IVD: variants seen among roughly 807,000 people sequenced by gnomAD.
IVD encodes the protein isovaleryl-CoA dehydrogenase.
IVD carries 31 observed loss-of-function variants against 51.3 expected under a neutral mutation model. The observed-to-expected ratio is 0.60, with a 90% CI of 0.45 to 0.81. IVD has a LOEUF of 0.81. Ranked by LOEUF, IVD falls within the 40% of genes least tolerant of loss-of-function variation. The pLI, the probability that IVD is intolerant of heterozygous loss-of-function variation, is 0.00. For missense variants in IVD, 475 were observed against 552.0 expected (o/e 0.86, Z 1.40); for synonymous variants, 205 against 219.4 (o/e 0.93, Z 0.58).
chr15:40,430,449 C>G (rs1471534298), intron 7 of IVD, among the ~76,000 whole-genome samples: 1 of 152,180 alleles, frequency 6.6e-6, no homozygotes, highest in Non-Finnish European at 1.5e-5. Context: ...ATAGTCAGTT[C>G]CAGATTTGGA....
intron 8 of IVD, chr15:40,434,044 C>A: frequency 2.6e-6 from 1 of 382,410 alleles, no homozygotes; most frequent in African/African-American, 2.1e-5. Context: ...GCAAGGATCA[C>A]ACACCTGAAA....
chr15:40,416,567 C>T (rs1441281136), intron 11 of IVD, among the ~76,000 whole-genome samples: 2 of 151,920 alleles, frequency 1.3e-5, no homozygotes, highest in Admixed American at 1.3e-4. Context: ...CATGATGGTG[C>T]ATGCCTGTAA....
intron 2 of IVD, 40 bp downstream of exon 2, chr15:40,407,765 G>A: frequency 6.4e-7 from 1 of 1,560,850 alleles, no homozygotes; most frequent in South Asian, 1.1e-5. Context: ...CAGTCAGGGA[G>A]TGGGGCTGAG....
chr15:40,419,299 T>G lies in IVD; in HGVS notation c.*1036T>G. ...GCCAAGGCAGGTGGATCACTTGCAG[T>G]CAGGAGTTCAAGACCAGCCTGTCCA... On this transcript the variant is annotated 3_prime_UTR_variant, in exon 12 of 12. Transcript: ENST00000487418. 1 of 1,148,740 alleles carries G rather than the reference T, an allele frequency of 8.7e-7. No homozygotes were observed. The highest frequency in any genetic ancestry group is 1.6e-5 in the African/African-American group (1 of 62,318). 71.2% of individuals were successfully genotyped at this position (1,148,740 alleles called of 1,614,324 possible). A position where few individuals can be genotyped will look rare whatever the true frequency, so the allele number is the denominator to read the frequency against.
At chr15:40,406,400 T>C in intron 1 of IVD, 6 of 1,222,062 alleles carry the variant, frequency 4.9e-6, no homozygotes, top group Non-Finnish European at 6.5e-6. Flanking sequence ...GGAGTCTTTT[T>C]TGTATAAACA....
downstream of IVD, chr15:40,424,008 AG>A: frequency 5.3e-6 from 2 of 379,022 alleles, no homozygotes; most frequent in South Asian, 2.2e-5. Context: ...TTACTCTTGC[AG>A]GGGGCCGTTC....
At position 40,420,547 on chromosome 15, in the gene IVD, G is replaced by A. The variant is rs542488129; in HGVS notation, c.*2284G>A. ...GCCCAGGTCCTATTCCTGTCCTCCAGCCCGTTCTTTCATGAGGGACAGGAA... is the reference window on the plus strand; with the variant it reads ...GCCCAGGTCCTATTCCTGTCCTCCAACCCGTTCTTTCATGAGGGACAGGAA... On this transcript the variant is annotated 3_prime_UTR_variant, in exon 12 of 12. Transcript: ENST00000487418. The A allele has an allele frequency of 3.0e-6, 3 of 987,558 alleles. No individual in the cohort carries two copies. Among genetic ancestry groups the A allele is most frequent in the African/African-American group, 1.7e-5 (1 of 57,410 alleles). 61.2% of individuals were successfully genotyped at this position (987,558 alleles called of 1,614,324 possible).
chr15:40,407,291 G>A (rs1042630368), intron 1 of IVD, among the ~76,000 whole-genome samples: 1 of 152,270 alleles, frequency 6.6e-6, no homozygotes, highest in Non-Finnish European at 1.5e-5. Context: ...CAGAGGGTGG[G>A]AGGTGGGAAG....
At chr15:40,429,256 C>A (rs113293192), downstream of IVD, among the ~76,000 whole-genome samples, 37 of 152,152 alleles carry the variant, frequency 2.4e-4, no homozygotes, top group Non-Finnish European at 3.7e-4. Context: ...AGCTGGCACA[C>A]CCCAGGATCA....
At chr15:40,433,334 A>T (rs1317596551) in intron 7 of IVD, among the ~76,000 whole-genome samples, 1 of 152,210 alleles carries the variant, frequency 6.6e-6, no homozygotes, top group Non-Finnish European at 1.5e-5. Context: ...GGTTAAATAA[A>T]GAAACGTATG....
intron 7 of IVD, among the ~76,000 whole-genome samples, chr15:40,431,563 C>T (rs1892976999): frequency 1.3e-5 from 2 of 151,818 alleles, no homozygotes; most frequent in South Asian, 2.1e-4. Flanking sequence ...GGCACAGTGG[C>T]GGGCGCCTGT....
intron 9 of IVD, among the ~76,000 whole-genome samples, chr15:40,415,729 G>A (rs1254118496): frequency 2.0e-5 from 3 of 152,232 alleles, no homozygotes; most frequent in Non-Finnish European, 4.4e-5. Flanking sequence ...GGAGAGCAAA[G>A]CGTGCAAGTT....
At chr15:40,416,392 G>T in intron 11 of IVD, 30 bp downstream of exon 11, 1 of 1,602,898 alleles carries the variant, frequency 6.2e-7, no homozygotes, top group Non-Finnish European at 8.5e-7. Context: ...CAGTCCCGGG[G>T]CTCCCTCACT....
chr15:40,429,953 A>G lies in IVD; in HGVS notation c.720-3901A>G, dbSNP rs141230806. On this transcript the variant is annotated intron_variant, in intron 7 of 8. Transcript: ENST00000473112. ...GTTGTTGAATGAATCAGGTCAGGACATTTTATAGTAAAAATATGTACAAGT... is the reference window on the plus strand; with the variant it reads ...GTTGTTGAATGAATCAGGTCAGGACGTTTTATAGTAAAAATATGTACAAGT... Among the ~76,000 whole-genome samples the G allele has an allele frequency of 1.3e-3, 194 of 152,372 alleles. 1 individual carries two copies. The highest frequency in any genetic ancestry group is 4.5e-3 in the African/African-American group (188 of 41,590).
chr15:40,422,585 C>CTTTTT (rs1157351420), downstream of IVD, among the ~76,000 whole-genome samples: 1,036 of 69,040 alleles, frequency 0.015, 106 homozygotes, highest in Non-Finnish European at 0.019. Context: ...GCCCGGCCGA[C>CTTTTT]TTTTTTTTTT....
At position 40,416,156 on chromosome 15, in the gene IVD, T is replaced by C; in HGVS notation, c.1039T>C (p.Cys347Arg). The part of the protein sequence containing the change: ...RQYVYNVAKA[C>R]DEGHCTAKDC... Reference sequence around the variant, plus strand: ...GTATGTCTACAATGTCGCCAAGGCCTGCGATGAGGGCCATTGCACTGCTAA... The same window carrying C: ...GTATGTCTACAATGTCGCCAAGGCCCGCGATGAGGGCCATTGCACTGCTAA... Residue 347 changes from cysteine to arginine, a missense_variant, in exon 10 of 12, where the codon TGC becomes CGC. By Grantham distance (180) the Cys-to-Arg change is radical. Coordinates refer to ENST00000487418, the MANE Select transcript of IVD (RefSeq NM_002225.5). 6.2e-7 allele frequency: 1 copy of C among 1,614,234 alleles called. No individual in the cohort carries two copies. Among genetic ancestry groups the C allele is most frequent in the Non-Finnish European group, 8.5e-7 (1 of 1,180,038 alleles).
Position 40,418,187 on chromosome 15 carries a change from T to C in IVD, c.1196T>C (p.Leu399Pro). 6.2e-7 allele frequency: 1 copy of C among 1,614,218 alleles called. No homozygotes were observed. The highest frequency in any genetic ancestry group is 8.5e-7 in the Non-Finnish European group (1 of 1,180,040). ...PMGRFLRDAK[L>P]YEIGAGTSEV... ...GGCCGCTTTCTTCGAGATGCCAAGC[T>C]GTATGAGATAGGGGCTGGGACCAGC... is the stretch of plus-strand genomic sequence containing the variant. Residue 399 changes from leucine to proline, a missense_variant, in exon 12 of 12, where the codon CTG becomes CCG. Coordinates refer to ENST00000487418, the MANE Select transcript of IVD (RefSeq NM_002225.5).
intron 1 of IVD, chr15:40,406,386 C>G: frequency 7.9e-7 from 1 of 1,265,216 alleles, no homozygotes. Flanking sequence ...ATCGTAATCA[C>G]CAGGGAGTCT....
chr15:40,422,508 C>T (rs1297071018), downstream of IVD, among the ~76,000 whole-genome samples: 3 of 148,838 alleles, frequency 2.0e-5, no homozygotes, highest in African/African-American at 7.4e-5. Flanking sequence ...TGGTCTCGAT[C>T]TCCCGACCTC....
Sources: gnomAD v4.1 joint callset for allele counts (sites outside exome capture counted in the v4.1 genomes callset) on GRCh38, gnomAD v4.1.1 for gene constraint, MANE v1.5 for transcripts, NCBI Gene and HGNC (gene_info 2026-07-23, HGNC 2026-07-21) for gene names.